RDM1: variants seen among roughly 807,000 people sequenced by gnomAD.
RDM1 encodes the protein RAD52 motif containing 1.
In RDM1, 28 loss-of-function variants were observed where a neutral mutation model predicts 27.7. The ratio of observed to expected loss-of-function variants is 1.01; its 90% confidence interval spans 0.75 to 1.39. RDM1 has a LOEUF of 1.39. RDM1 is among the 40% of genes most tolerant of loss of function. The pLI is 0.00. For synonymous variants in RDM1, 124 were observed against 127.5 expected (o/e 0.97, Z 0.19); for missense variants, 277 against 337.3 (o/e 0.82, Z 1.40).
chr17:35,930,153 A>T lies in RDM1; in HGVS notation c.199T>A (p.Phe67Ile), dbSNP rs540151262. Residue 67 changes from phenylalanine to isoleucine, a missense_variant, in exon 2 of 7, where the codon TTT becomes ATT. Physicochemically the swap from Phe to Ile is conservative, Grantham distance 21. Transcript: ENST00000620284. ...AHPGFYAVIKFYSARAAHRAQ... is the reference protein window; with the variant it reads ...AHPGFYAVIKIYSARAAHRAQ... ...CTGTGGGCAGCCCTTGCAGAATAAA[A>T]CTTAATGACGGCATAGAAACCAGGA... 43 of 1,614,212 alleles carry T rather than the reference A, an allele frequency of 2.7e-5. 1 individual carries two copies. In the South Asian group the frequency reaches 4.1e-4, roughly 15 times the overall value.
intron 2 of RDM1, among the ~76,000 whole-genome samples, chr17:35,927,927 A>G (rs1358454668): frequency 6.6e-6 from 1 of 152,228 alleles, no homozygotes; most frequent in African/African-American, 2.4e-5. Context: ...GAAACAGACC[A>G]TAGTTCAAAA....
At chr17:35,920,788 T>G (rs1390214995) in intron 5 of RDM1, among the ~76,000 whole-genome samples, 1 of 152,144 alleles carries the variant, frequency 6.6e-6, no homozygotes, top group Admixed American at 6.5e-5. Context: ...GTATGAAATA[T>G]CAACCATATT....
chr17:35,920,111 C>T, intron 6 of RDM1, 76 bp downstream of exon 6: 1 of 738,866 alleles, frequency 1.4e-6, no homozygotes, highest in East Asian at 2.6e-5. Context: ...AACAAATTAT[C>T]CTCCAAATTA....
intron 3 of RDM1, 76 bp downstream of exon 3, chr17:35,925,439 A>G (rs2089109720): frequency 1.3e-6 from 2 of 1,544,358 alleles, no homozygotes; most frequent in East Asian, 4.5e-5. Flanking sequence ...ATCCAGTTCA[A>G]TACTTCTGTC....
chr17:35,918,545 C>T (rs1298769828), intron 6 of RDM1, 102 bp from the exon 7 acceptor site: 4 of 940,038 alleles, frequency 4.3e-6, no homozygotes, highest in Non-Finnish European at 6.7e-6. Flanking sequence ...TCCTTTGTTG[C>T]ATGTTTGATA....
chr17:35,927,412 C>T (rs1162184587), intron 2 of RDM1, among the ~76,000 whole-genome samples: 2 of 152,084 alleles, frequency 1.3e-5, no homozygotes, highest in African/African-American at 4.8e-5. Context: ...TGCACTCCAG[C>T]CTGGGTGACA....
rs760056009 is a variant in RDM1, at chr17:35,925,509, G to A, written c.399+6C>T. The A allele has an allele frequency of 1.4e-5, 22 of 1,612,504 alleles. No individual in the cohort carries two copies. The highest frequency in any genetic ancestry group is 1.7e-5 in the Non-Finnish European group (20 of 1,179,880). On this transcript the variant is annotated splice_donor_region_variant and intron_variant, in intron 3 of 6. Coordinates refer to ENST00000620284, the MANE Select transcript of RDM1 (RefSeq NM_145654.4). ...TGGTAAGTGAAAAAAAATCTACAAG[G>A]TTTACCTTGATGATCCTTTTGGAAC...
At position 35,925,623 on chromosome 17, in the gene RDM1, G is replaced by C. The variant is rs146673855; in HGVS notation, c.291C>G (p.Thr97=). ...QKSPVKVRLG[T]RHKAVQHQAL... ...CTTGATGTTGAACTGCCTTATGTCT[G>C]GTGCCAAGACGAACCTAAAATCATA... is the stretch of plus-strand genomic sequence containing the variant. The change falls in exon 3 of 7, where the codon ACC becomes ACG. Residue 97 remains threonine (T), a synonymous_variant. Coordinates refer to ENST00000620284, the MANE Select transcript of RDM1 (RefSeq NM_145654.4). 2,419 of 1,612,360 alleles carry C rather than the reference G, an allele frequency of 1.5e-3. 3 individuals are homozygous for C. The highest frequency in any genetic ancestry group is 1.7e-3 in the Non-Finnish European group (2,062 of 1,178,850).
Position 35,930,765 on chromosome 17 carries a change from C to T in RDM1, c.-38G>A. The T allele has an allele frequency of 6.3e-7, 1 of 1,592,102 alleles. No individual in the cohort carries two copies. Among genetic ancestry groups the T allele is most frequent in the Non-Finnish European group, 8.6e-7 (1 of 1,166,068 alleles). ...GCACCTGCGCGGCTAACCCTCGCCC[C>T]AGCATTGCGCCTGCGCAAGGCACGC... On this transcript the variant is annotated 5_prime_UTR_variant, in exon 1 of 7. Coordinates refer to ENST00000620284, the MANE Select transcript of RDM1 (RefSeq NM_145654.4).
intron 5 of RDM1, chr17:35,922,353 C>A (rs998617268): frequency 7.7e-6 from 4 of 517,150 alleles, no homozygotes; most frequent in Non-Finnish European, 1.3e-5. Flanking sequence ...GGAACTGAGG[C>A]AAGTCTTTTC....
intron 6 of RDM1, among the ~76,000 whole-genome samples, chr17:35,919,434 T>C (rs1008854479): frequency 8.5e-5 from 13 of 152,242 alleles, no homozygotes; most frequent in African/African-American, 2.4e-4. Context: ...CTAGGTGGTA[T>C]AGCCTACAGC....
intron 3 of RDM1, among the ~76,000 whole-genome samples, 194 bp downstream of exon 3, chr17:35,925,321 C>T (rs1159358813): frequency 2.0e-5 from 3 of 152,132 alleles, no homozygotes; most frequent in African/African-American, 4.8e-5. Context: ...GAGAAAATTA[C>T]GGATACCACC....
chr17:35,919,406 G>C (rs1351905592), intron 6 of RDM1, among the ~76,000 whole-genome samples: 1 of 152,142 alleles, frequency 6.6e-6, no homozygotes, highest in Non-Finnish European at 1.5e-5. Context: ...TAACATCATA[G>C]CATATACTTC....
intron 2 of RDM1, among the ~76,000 whole-genome samples, chr17:35,928,985 G>T (rs574942190): frequency 7.9e-5 from 12 of 152,080 alleles, no homozygotes; most frequent in African/African-American, 2.7e-4. Context: ...TGAGGCAGGA[G>T]AATCACTTGA....
In RDM1 at chr17:35,926,565, G is replaced by A. The variant is rs377419076; in HGVS notation, c.277-928C>T. On this transcript the variant is annotated intron_variant, in intron 2 of 6. Transcript: ENST00000620284. The stretch of plus-strand genomic sequence containing the variant: ...ACTACAGGCACCTGCCACCACGCCC[G>A]GCTAATTTTTTGTATTTTTTAGTAG... 2.6e-3 allele frequency among the ~76,000 whole-genome samples: 398 copies of A among 152,046 alleles called. 4 individuals carry two copies. The highest frequency in any genetic ancestry group is 9.1e-3 in the African/African-American group (379 of 41,490).
chr17:35,930,593 GCTTTCTCCATCCCTCC>G, intron 1 of RDM1, 23 bp downstream of exon 1: 2 of 1,586,066 alleles, frequency 1.3e-6, no homozygotes, highest in Non-Finnish European at 1.7e-6. Flanking sequence ...CGGGTGGGCA[GCTTTCTCCATCCCTCC>G]CTCCATCCTG....
chr17:35,919,194 C>G (rs995667152), intron 6 of RDM1, among the ~76,000 whole-genome samples: 1 of 151,722 alleles, frequency 6.6e-6, no homozygotes, highest in Non-Finnish European at 1.5e-5. Flanking sequence ...CACTCTAGCC[C>G]CAAATTAAGT....
chr17:35,928,561 G>A (rs1598688876), intron 2 of RDM1, among the ~76,000 whole-genome samples: 1 of 151,796 alleles, frequency 6.6e-6, no homozygotes, highest in Admixed American at 6.6e-5. Flanking sequence ...TCAGGAGTTC[G>A]AGACCAGCCT....
Position 35,925,555 on chromosome 17 carries a change from TAA to T in RDM1, c.357_358del (p.Asn119LysfsTer20). 1 of 1,614,016 alleles carries T rather than the reference TAA, an allele frequency of 6.2e-7. No individual in the cohort carries two copies. The highest frequency in any genetic ancestry group is 8.5e-7 in the Non-Finnish European group (1 of 1,180,026). ...GGAACACCCATTGAAACCAAAGTAG[TAA>T]TTCGCCAGTTCTTGGCATTTGGAAC... On this transcript the variant is annotated frameshift_variant, in exon 3 of 7. Coordinates refer to ENST00000620284, the MANE Select transcript of RDM1 (RefSeq NM_145654.4). LOFTEE classifies it high-confidence loss of function.
Sources: gnomAD v4.1 joint callset for allele counts (sites outside exome capture counted in the v4.1 genomes callset) on GRCh38, gnomAD v4.1.1 for gene constraint, MANE v1.5 for transcripts, NCBI Gene and HGNC (gene_info 2026-07-23, HGNC 2026-07-21) for gene names.